The following HIGD1C variants were observed in gnomAD, a reference collection of about 807,000 sequenced individuals.
The protein encoded by HIGD1C is HIG1 domain family member 1C.
In HIGD1C, 11 loss-of-function variants were observed where a neutral mutation model predicts 13.1. The observed-to-expected ratio is 0.84, with a 90% CI of 0.53 to 1.39. HIGD1C has a LOEUF of 1.39. Ranked by LOEUF, HIGD1C falls within the 40% of genes most tolerant of loss-of-function variation. HIGD1C has a pLI of 0.00. For missense variants in HIGD1C, 110 were observed against 112.0 expected (o/e 0.98, Z 0.08); for synonymous variants, 36 against 37.7 (o/e 0.95, Z 0.17).
At chr12:50,956,838 C>T (rs1269683928) in intron 1 of HIGD1C, among the ~76,000 whole-genome samples, 2 of 152,042 alleles carry the variant, frequency 1.3e-5, no homozygotes, top group African/African-American at 4.8e-5. Context: ...GGAGTATGTT[C>T]CCAGAAGTAG....
At chr12:50,951,211 C>A (rs1938888262), upstream of HIGD1C, among the ~76,000 whole-genome samples, 1 of 152,134 alleles carries the variant, frequency 6.6e-6, no homozygotes, top group South Asian at 2.1e-4. Flanking sequence ...CCACGTTAAT[C>A]CACATGATGA....
intron 2 of HIGD1C, among the ~76,000 whole-genome samples, chr12:50,964,145 AG>A (rs202127955): frequency 0.17 from 25,174 of 152,204 alleles, 2,151 homozygotes; most frequent in South Asian, 0.27. Flanking sequence ...CGTGGGGAAT[AG>A]AAAAAAATTG....
At chr12:50,947,801 G>T in the HIGD1C span, among the ~76,000 whole-genome samples, 2 of 152,148 alleles carry the variant, frequency 1.3e-5, no homozygotes, top group Non-Finnish European at 2.9e-5. Context: ...TAGACAAGAT[G>T]AGCTTAGCAT....
chr12:50,936,745 G>A, the HIGD1C span, among the ~76,000 whole-genome samples: 3 of 152,146 alleles, frequency 2.0e-5, no homozygotes, highest in Non-Finnish European at 2.9e-5. Flanking sequence ...TCCACTCTTA[G>A]GTCATGAAAA....
intron 2 of HIGD1C, among the ~76,000 whole-genome samples, chr12:50,963,962 AGC>A (rs1939444391): frequency 6.6e-6 from 1 of 152,178 alleles, no homozygotes; most frequent in Non-Finnish European, 1.5e-5. Context: ...TATATCCAAA[AGC>A]ATGCTAGTTA....
At chr12:50,953,632 A>G (rs938536378), upstream of HIGD1C, among the ~76,000 whole-genome samples, 3 of 152,268 alleles carry the variant, frequency 2.0e-5, no homozygotes, top group Non-Finnish European at 4.4e-5. Flanking sequence ...TACTTTAAAA[A>G]GAAAATGTGT....
chr12:50,960,847 T>TC, intron 1 of HIGD1C, 121 bp from the exon 4 acceptor site: 1 of 804,480 alleles, frequency 1.2e-6, no homozygotes, highest in Non-Finnish European at 1.9e-6. Context: ...CATGTGTGGC[T>TC]AATTTTTTTT....
intron 2 of HIGD1C, among the ~76,000 whole-genome samples, chr12:50,966,919 C>G (rs1362017598): frequency 6.6e-6 from 1 of 152,092 alleles, no homozygotes; most frequent in African/African-American, 2.4e-5. Context: ...AGTTCGAGAA[C>G]AGCCTGGCCA....
At chr12:50,943,156 C>T in the HIGD1C span, among the ~76,000 whole-genome samples, 198 of 152,156 alleles carry the variant, frequency 1.3e-3, 2 homozygotes, top group African/African-American at 4.6e-3. Context: ...CGAGCCACCA[C>T]GCCCAATCAA....
At chr12:50,955,002 T>C (rs1363843102) in intron 1 of HIGD1C, among the ~76,000 whole-genome samples, 13 of 151,926 alleles carry the variant, frequency 8.6e-5, no homozygotes, top group Admixed American at 8.5e-4. Context: ...GAAGTGATAC[T>C]ATAATTAGGC....
At chr12:50,963,559 C>T (rs1939429615) in intron 2 of HIGD1C, among the ~76,000 whole-genome samples, 1 of 151,914 alleles carries the variant, frequency 6.6e-6, no homozygotes, top group Admixed American at 6.6e-5. Flanking sequence ...GCCTTTCATC[C>T]TGGGGCTAAA....
At chr12:50,957,937 G>GGTGTGTGTGTGTGTGTGTGTGTGTGT (rs71089717) in intron 1 of HIGD1C, among the ~76,000 whole-genome samples, 5 of 132,408 alleles carry the variant, frequency 3.8e-5, no homozygotes, top group African/African-American at 1.1e-4. Context: ...ATGAATTGGA[G>GGTGTGTGTGTGTGTGTGTGTGTGTGT]GTGTGTGTGT....
At chr12:50,937,262 G>A in the HIGD1C span, among the ~76,000 whole-genome samples, 1 of 152,190 alleles carries the variant, frequency 6.6e-6, no homozygotes, top group African/African-American at 2.4e-5. Context: ...GGCTGCACTT[G>A]GCTTGTGCTC....
At chr12:50,969,204 G>T (rs917631051) in intron 2 of HIGD1C, among the ~76,000 whole-genome samples, 1 of 152,030 alleles carries the variant, frequency 6.6e-6, no homozygotes, top group Non-Finnish European at 1.5e-5. Flanking sequence ...TGAGACAGGA[G>T]AATTGCTTGA....
the HIGD1C span, among the ~76,000 whole-genome samples, chr12:50,948,632 G>A: frequency 1.3e-5 from 2 of 151,004 alleles, no homozygotes; most frequent in African/African-American, 4.9e-5. Context: ...CACTTTGGGA[G>A]GCCGAGGAGG....
At chr12:50,946,295 C>T in the HIGD1C span, among the ~76,000 whole-genome samples, 1 of 151,774 alleles carries the variant, frequency 6.6e-6, no homozygotes, top group African/African-American at 2.4e-5. Context: ...GAACAAGCAA[C>T]CTACAGAATG....
the HIGD1C span, among the ~76,000 whole-genome samples, chr12:50,941,376 G>C: frequency 2.6e-5 from 4 of 152,164 alleles, no homozygotes; most frequent in African/African-American, 9.7e-5. Context: ...TTGCCACTGT[G>C]CTTTTATTTT....
At chr12:50,949,470 C>T (rs1938852872), upstream of HIGD1C, 1 of 151,700 alleles carries the variant, frequency 6.6e-6, no homozygotes, top group African/African-American at 2.4e-5. Flanking sequence ...TATTGGAAAC[C>T]CCTTTAAGCT....
chr12:50,956,187 T>A (rs1258991034), intron 1 of HIGD1C, among the ~76,000 whole-genome samples: 1 of 152,018 alleles, frequency 6.6e-6, no homozygotes, highest in African/African-American at 2.4e-5. Context: ...AAATCAGGAG[T>A]TTGAGACCAG....
Sources: allele counts gnomAD v4.1 joint callset (sites outside exome capture counted in the v4.1 genomes callset), GRCh38; gene constraint gnomAD v4.1.1; transcripts MANE v1.5; gene names NCBI Gene and HGNC (gene_info 2026-07-23, HGNC 2026-07-21).